Variants in NPAS3 observed in about 807,000 individuals in gnomAD.
NPAS3 encodes the protein neuronal PAS domain-containing protein 3.
NPAS3 carries 14 observed loss-of-function variants against 73.1 expected under a neutral mutation model. The ratio of observed to expected loss-of-function variants is 0.19; its 90% CI spans 0.13 to 0.30. NPAS3 has a LOEUF of 0.30. Among genes scored for constraint, NPAS3 ranks in the 10% least tolerant of loss-of-function variants. NPAS3 has a pLI of 1.00. For synonymous variants in NPAS3, 620 were observed against 541.5 expected (o/e 1.14, Z -2.01); for missense variants, 1,096 against 1,250.0 (o/e 0.88, Z 1.86).
intron 3 of NPAS3, among the ~76,000 whole-genome samples, chr14:33,342,893 A>G (rs1202060477): frequency 6.6e-6 from 1 of 151,908 alleles, no homozygotes; most frequent in African/African-American, 2.4e-5. Context: ...TTTATTCACT[A>G]CCCTCTCCCA....
At chr14:33,746,195 A>ATTTTTTTTT (rs1241544431) in intron 7 of NPAS3, among the ~76,000 whole-genome samples, 2 of 146,564 alleles carry the variant, frequency 1.4e-5, no homozygotes, top group African/African-American at 5.4e-5. Context: ...TTATTTATTT[A>ATTTTTTTTT]TTTATTTTTT....
intron 3 of NPAS3, among the ~76,000 whole-genome samples, chr14:33,286,275 A>G (rs1214740141): frequency 2.6e-5 from 4 of 152,214 alleles, no homozygotes; most frequent in Non-Finnish European, 4.4e-5. Context: ...AGAATTTCAT[A>G]TAATTATATC....
chr14:32,936,899 C>G (rs2035711783), upstream of NPAS3, among the ~76,000 whole-genome samples: 1 of 150,018 alleles, frequency 6.7e-6, no homozygotes, highest in Non-Finnish European at 1.5e-5. Flanking sequence ...TATGAAGTCT[C>G]TGAATCCCAC....
intron 9 of NPAS3, among the ~76,000 whole-genome samples, chr14:33,792,108 CAG>C (rs2063375482): frequency 1.3e-5 from 2 of 152,204 alleles, no homozygotes; most frequent in South Asian, 4.2e-4. Context: ...AGCTGTATGG[CAG>C]AGTTAGTATT....
chr14:33,673,996 A>T (rs992687263), intron 5 of NPAS3, among the ~76,000 whole-genome samples: 1 of 152,042 alleles, frequency 6.6e-6, no homozygotes, highest in African/African-American at 2.4e-5. Context: ...TTAAGCTTTG[A>T]GGTATGTTGG....
At chr14:33,215,151 A>G in intron 2 of NPAS3, 31 bp from the exon 3 acceptor site, 1 of 1,609,200 alleles carries the variant, frequency 6.2e-7, no homozygotes, top group Non-Finnish European at 8.5e-7. Context: ...CACATATTCT[A>G]AACCACACAT....
chr14:33,630,275 T>C (rs2058342466), intron 5 of NPAS3, among the ~76,000 whole-genome samples: 2 of 152,216 alleles, frequency 1.3e-5, no homozygotes, highest in African/African-American at 4.8e-5. Context: ...GTGGAAAAGC[T>C]CTGTCTCCTT....
chr14:32,996,323 G>A (rs1247381786), intron 1 of NPAS3, among the ~76,000 whole-genome samples: 1 of 152,174 alleles, frequency 6.6e-6, no homozygotes, highest in Non-Finnish European at 1.5e-5. Flanking sequence ...ACTGGATAAT[G>A]TGATAGAAGA....
chr14:33,286,418 G>GT (rs1281022718), intron 3 of NPAS3, among the ~76,000 whole-genome samples: 2 of 152,086 alleles, frequency 1.3e-5, no homozygotes, highest in Admixed American at 1.3e-4. Context: ...AATCATAGTT[G>GT]TTTTAAAAAA....
In NPAS3 at chr14:33,163,631, T is replaced by G. The variant is rs968970564; in HGVS notation, c.141-51551T>G. 1.6e-4 allele frequency among the ~76,000 whole-genome samples: 24 copies of G among 151,302 alleles called. 2 individuals carry two copies. Among genetic ancestry groups the G allele is most frequent in the African/African-American group, 2.4e-4 (10 of 41,266 alleles). Reference sequence around the variant, plus strand: ...AGCAGAAGTGTTTTGTTGTTTTTTTTTTTTTTTTTTTTCAAATTTGCATCT... The same window carrying G: ...AGCAGAAGTGTTTTGTTGTTTTTTTGTTTTTTTTTTTTCAAATTTGCATCT... On this transcript the variant is annotated intron_variant, in intron 2 of 11. Transcript: ENST00000356141.
At chr14:33,345,968 C>T (rs1266659151) in intron 3 of NPAS3, among the ~76,000 whole-genome samples, 1 of 152,084 alleles carries the variant, frequency 6.6e-6, no homozygotes, top group Non-Finnish European at 1.5e-5. Context: ...CACGGTGGTT[C>T]ATGCCTGTAA....
Position 33,020,509 on chromosome 14 carries a change from A to G in NPAS3, c.51-35396A>G, listed in dbSNP as rs149842284. Among the ~76,000 whole-genome samples the G allele has an allele frequency of 6.2e-4, 95 of 152,296 alleles. No homozygotes were observed. In the Middle Eastern group the frequency reaches 0.01, roughly 16 times the overall value. ...ACACATTGCTTGGCACATTTTAAGC[A>G]CTCGATAAATGGTGGTGAATCATAA... On this transcript the variant is annotated intron_variant, in intron 1 of 11. Coordinates refer to ENST00000356141, the Ensembl canonical transcript of NPAS3.
At chr14:33,005,286 G>A (rs1003075839) in intron 1 of NPAS3, among the ~76,000 whole-genome samples, 1 of 152,174 alleles carries the variant, frequency 6.6e-6, no homozygotes, top group Non-Finnish European at 1.5e-5. Flanking sequence ...GTCAGTAGGT[G>A]ATAGGAATTT....
chr14:33,068,424 C>A (rs1407395635), intron 2 of NPAS3, among the ~76,000 whole-genome samples: 2 of 152,144 alleles, frequency 1.3e-5, no homozygotes, highest in African/African-American at 4.8e-5. Flanking sequence ...TTGTTTTATC[C>A]ACAGTGGTTT....
At chr14:33,139,069 C>G (rs1033698968) in intron 2 of NPAS3, among the ~76,000 whole-genome samples, 1 of 152,184 alleles carries the variant, frequency 6.6e-6, no homozygotes, top group African/African-American at 2.4e-5. Context: ...ATTATTATGA[C>G]TTACTCCCAG....
At chr14:33,485,738 C>A (rs1163646508) in intron 4 of NPAS3, among the ~76,000 whole-genome samples, 3 of 152,282 alleles carry the variant, frequency 2.0e-5, no homozygotes, top group South Asian at 2.1e-4. Flanking sequence ...AGCCAAAAAA[C>A]CATTCATTTT....
chr14:33,044,990 T>C (rs540064705), intron 1 of NPAS3, among the ~76,000 whole-genome samples: 56 of 152,282 alleles, frequency 3.7e-4, no homozygotes, highest in South Asian at 1.5e-3. Flanking sequence ...TCAGCATTTT[T>C]CTTGTCTGCA....
chr14:32,935,035 C>T (rs1231641079), upstream of NPAS3: 8 of 1,256,518 alleles, frequency 6.4e-6, no homozygotes, highest in Non-Finnish European at 6.0e-6. Context: ...GGGATAGTGC[C>T]CCCGCCCCGG....
chr14:32,952,229 C>T (rs995969115), intron 1 of NPAS3, among the ~76,000 whole-genome samples: 1 of 152,014 alleles, frequency 6.6e-6, no homozygotes, highest in African/African-American at 2.4e-5. Context: ...CTCAGTTCTA[C>T]AAAAGGTAAT....
Sources: allele counts gnomAD v4.1 joint callset (sites outside exome capture counted in the v4.1 genomes callset), GRCh38; gene constraint gnomAD v4.1.1; transcripts MANE v1.5; gene names NCBI Gene and HGNC (gene_info 2026-07-23, HGNC 2026-07-21).